MROH9: variants seen among roughly 807,000 people sequenced by gnomAD.
The protein encoded by MROH9 is maestro heat-like repeat-containing protein family member 9.
In MROH9, 92 loss-of-function variants were observed where a neutral mutation model predicts 98.2. That is an observed-to-expected ratio of 0.94 (90% CI 0.79 to 1.11). The LOEUF is 1.11. MROH9 is among the 50% of genes most tolerant of loss of function. The pLI, the probability that MROH9 is intolerant of heterozygous loss-of-function variation, is 0.00. For synonymous variants in MROH9, 397 were observed against 368.9 expected (o/e 1.08, Z -0.87); for missense variants, 1,057 against 1,014.8 (o/e 1.04, Z -0.57).
At chr1:170,995,628 C>A in intron 13 of MROH9, 97 bp downstream of exon 13, 1 of 1,327,730 alleles carries the variant, frequency 7.5e-7, no homozygotes, top group Non-Finnish European at 1.0e-6. Flanking sequence ...CTTTACAGTC[C>A]CATGTGCGGT....
At chr1:170,979,748 T>C (rs1650854151) in intron 8 of MROH9, among the ~76,000 whole-genome samples, 1 of 152,144 alleles carries the variant, frequency 6.6e-6, no homozygotes, top group South Asian at 2.1e-4. Context: ...AAGACCCATA[T>C]TCAAAGTTCA....
chr1:171,009,783 G>C (rs1286162129), intron 15 of MROH9, among the ~76,000 whole-genome samples: 2 of 152,108 alleles, frequency 1.3e-5, no homozygotes, highest in Non-Finnish European at 2.9e-5. Flanking sequence ...GGTTTCAGGG[G>C]CCAAGAAAAA....
At position 170,947,722 on chromosome 1, in the gene MROH9, A is replaced by G. The variant is rs1649388442; in HGVS notation, c.72+149A>G. 6.2e-5 allele frequency: 41 copies of G among 657,012 alleles called. 1 individual carries two copies. In the South Asian group the frequency reaches 8.3e-4, roughly 13 times the overall value. The allele number at this position is 657,012 out of a possible 1,614,324, so 40.7% of individuals were successfully genotyped here. A position where few individuals can be genotyped will look rare whatever the true frequency, so the allele number is the denominator to read the frequency against. On this transcript the variant is annotated intron_variant, in intron 3 of 21. Transcript: ENST00000367759. ...GGAAAAAAAGGCAATTTGGTTAAAA[A>G]TTGTTTTTACCTGTATGTCCCTGCA...
intron 21 of MROH9, among the ~76,000 whole-genome samples, chr1:171,062,843 A>T (rs10913674): frequency 0.025 from 3,837 of 152,188 alleles, 151 homozygotes; most frequent in African/African-American, 0.087. Flanking sequence ...AGCAATATTG[A>T]GCTGCAGGTA....
chr1:171,038,317 C>A (rs1239349305), intron 20 of MROH9, among the ~76,000 whole-genome samples: 1 of 152,058 alleles, frequency 6.6e-6, no homozygotes, highest in Non-Finnish European at 1.5e-5. Context: ...ATGTTTCTAT[C>A]CATTGAGTTG....
At chr1:170,957,173 T>C (rs925654128) in intron 3 of MROH9, among the ~76,000 whole-genome samples, 15 of 152,212 alleles carry the variant, frequency 9.9e-5, no homozygotes, top group Admixed American at 9.8e-4. Context: ...CTTGTTAGTT[T>C]GATGTAGTCC....
At chr1:170,991,829 CA>C in intron 11 of MROH9, among the ~76,000 whole-genome samples, 1 of 152,194 alleles carries the variant, frequency 6.6e-6, no homozygotes, top group East Asian at 1.9e-4. Flanking sequence ...AACAAAGTCA[CA>C]AGGCCAGAGG....
At chr1:170,989,820 G>T in intron 10 of MROH9, 35 bp from the exon 11 acceptor site, 1 of 1,571,430 alleles carries the variant, frequency 6.4e-7, no homozygotes, top group South Asian at 1.2e-5. Flanking sequence ...CATGGAACAG[G>T]AGATTCTTGT....
At chr1:171,060,427 A>G (rs895987318) in intron 20 of MROH9, among the ~76,000 whole-genome samples, 3 of 152,182 alleles carry the variant, frequency 2.0e-5, no homozygotes, top group Non-Finnish European at 4.4e-5. Flanking sequence ...TGTGTATGAA[A>G]TGTGACAAGC....
chr1:170,941,146 T>G (rs566040584), intron 1 of MROH9, among the ~76,000 whole-genome samples: 16 of 152,156 alleles, frequency 1.1e-4, no homozygotes, highest in Non-Finnish European at 2.1e-4. Context: ...TTGGGTCTCC[T>G]GGAATTATTG....
At chr1:171,003,979 T>C (rs1407573369) in intron 15 of MROH9, among the ~76,000 whole-genome samples, 1 of 151,944 alleles carries the variant, frequency 6.6e-6, no homozygotes, top group Non-Finnish European at 1.5e-5. Context: ...CTAGGAGGAT[T>C]ATGGCTGCCT....
intron 7 of MROH9, among the ~76,000 whole-genome samples, chr1:170,971,142 T>C (rs1160991752): frequency 6.6e-6 from 1 of 152,162 alleles, no homozygotes; most frequent in Non-Finnish European, 1.5e-5. Flanking sequence ...TCCATTAAGG[T>C]GAAAATCTAA....
At chr1:170,984,765 T>C (rs980960889) in intron 9 of MROH9, among the ~76,000 whole-genome samples, 1 of 152,182 alleles carries the variant, frequency 6.6e-6, no homozygotes, top group Non-Finnish European at 1.5e-5. Context: ...TGACCTGTTA[T>C]TCATTTCCCA....
intron 8 of MROH9, among the ~76,000 whole-genome samples, chr1:170,976,093 G>GT (rs1650674776): frequency 1.3e-5 from 2 of 152,140 alleles, no homozygotes; most frequent in South Asian, 4.2e-4. Flanking sequence ...TTGGGTCTTT[G>GT]TTTTTTATTA....
chr1:171,002,932 G>A (rs1358064917), intron 15 of MROH9, among the ~76,000 whole-genome samples: 1 of 152,014 alleles, frequency 6.6e-6, no homozygotes. Context: ...AGACTTCTTG[G>A]TGGCTTTGTT....
chr1:170,965,003 G>T, intron 6 of MROH9, 148 bp from the exon 7 acceptor site: 1 of 564,488 alleles, frequency 1.8e-6, no homozygotes, highest in Non-Finnish European at 3.2e-6. Flanking sequence ...GATGCTTATT[G>T]TCTGTGTTTT....
intron 10 of MROH9, among the ~76,000 whole-genome samples, chr1:170,987,424 C>T (rs568020122): frequency 6.6e-6 from 1 of 152,298 alleles, no homozygotes; most frequent in African/African-American, 2.4e-5. Flanking sequence ...TCTGGGACTG[C>T]TTCCTTACAA....
chr1:170,963,678 T>C (rs1006408056), intron 6 of MROH9, among the ~76,000 whole-genome samples: 2 of 152,156 alleles, frequency 1.3e-5, no homozygotes, highest in Non-Finnish European at 2.9e-5. Context: ...TTATGTACTT[T>C]GCAGGAATTT....
At chr1:170,941,913 C>G (rs990412241) in intron 1 of MROH9, among the ~76,000 whole-genome samples, 1 of 152,178 alleles carries the variant, frequency 6.6e-6, no homozygotes, top group African/African-American at 2.4e-5. Flanking sequence ...CTATACAGGT[C>G]TGGCATTCCT....
Sources: allele counts gnomAD v4.1 joint callset (sites outside exome capture counted in the v4.1 genomes callset), GRCh38; gene constraint gnomAD v4.1.1; transcripts MANE v1.5; gene names NCBI Gene and HGNC (gene_info 2026-07-23, HGNC 2026-07-21).